Variants in CFAP99 observed in about 807,000 individuals in gnomAD.
The protein encoded by CFAP99 is cilia- and flagella-associated protein 99.
Under a neutral mutation model 82.7 loss-of-function variants are expected in CFAP99, and 84 were observed. That is an observed-to-expected ratio of 1.02 (90% CI 0.85 to 1.22). The LOEUF (loss-of-function observed/expected upper bound fraction) is 1.22, where lower values mean the gene tolerates loss of function less well. Among genes scored for constraint, CFAP99 ranks in the 50% most tolerant of loss-of-function variants. The pLI, the probability that CFAP99 is intolerant of heterozygous loss-of-function variation, is 0.00. For synonymous variants in CFAP99, 456 were observed against 429.5 expected, an observed-to-expected ratio of 1.06 and a Z score of -0.76; for missense variants, 1,059 against 983.5, an observed-to-expected ratio of 1.08 and a Z score of -1.03.
At chr4:2,443,567 C>A (rs1490117209) in intron 5 of CFAP99, among the ~76,000 whole-genome samples, 1 of 152,218 alleles carries the variant, frequency 6.6e-6, no homozygotes, top group East Asian at 1.9e-4. Context: ...CCCTTCTGTG[C>A]TGGAGCCTAC....
intron 1 of CFAP99, among the ~76,000 whole-genome samples, chr4:2,423,449 C>T (rs894567075): frequency 6.6e-6 from 1 of 152,204 alleles, no homozygotes; most frequent in African/African-American, 2.4e-5. Context: ...GCCTCCTGGG[C>T]CTTTCTGCTC....
At chr4:2,421,350 CTTTTTTTT>C (rs10632358) in intron 1 of CFAP99, among the ~76,000 whole-genome samples, 3 of 96,984 alleles carry the variant, frequency 3.1e-5, no homozygotes, top group South Asian at 4.3e-4. Context: ...TCTGCCCACC[CTTTTTTTT>C]TTTTTTTTTT....
intron 3 of CFAP99, 116 bp downstream of exon 3, chr4:2,437,134 C>T: frequency 5.5e-6 from 7 of 1,281,616 alleles, no homozygotes; most frequent in Non-Finnish European, 7.5e-6. Context: ...CCTTCCTGCC[C>T]TTGCACTGGA....
Position 2,437,146 on chromosome 4 carries a change from G to C in CFAP99, c.256+128G>C, listed in dbSNP as rs1578469806. On this transcript the variant is annotated intron_variant, in intron 3 of 14. Transcript: ENST00000635017. ...CCTCCTTCCTGCCCTTGCACTGGAG[G>C]CTTCCCGGCTCCTCACCTCACTTGG... 1.3e-5 allele frequency: 15 copies of C among 1,134,468 alleles called. No homozygotes were observed. The East Asian group carries it at 3.9e-4, about 29-fold the overall frequency. The allele number at this position is 1,134,468 out of a possible 1,614,324, so 70.3% of individuals were successfully genotyped here.
Position 2,445,647 on chromosome 4 carries a change from C to T in CFAP99, c.642+339C>T, listed in dbSNP as rs147421212. ...CTGGCGTAATGCAACACCCCCTCCC[C>T]GTTAAGTATGATGTGTAGATGACAG... On this transcript the variant is annotated intron_variant, in intron 6 of 14. Transcript: ENST00000635017. Among the ~76,000 whole-genome samples, 315 of 152,304 alleles carry T rather than the reference C, an allele frequency of 2.1e-3. 4 individuals carry two copies. The highest frequency in any genetic ancestry group is 4.2e-3 in the Admixed American group (65 of 15,302).
intron 3 of CFAP99, among the ~76,000 whole-genome samples, chr4:2,437,364 G>A (rs1358797057): frequency 6.6e-6 from 1 of 152,166 alleles, no homozygotes; most frequent in Non-Finnish European, 1.5e-5. Context: ...TGTGGCTGCC[G>A]TCTGGACAGT....
chr4:2,445,303 A>G, exon 6 of CFAP99: 1 of 1,345,556 alleles, frequency 7.4e-7, no homozygotes, highest in Non-Finnish European at 9.5e-7. Flanking sequence ...GGCCAAGCCG[A>G]GACCCGTGAG....
At chr4:2,453,803 G>T (rs1734361178) in intron 11 of CFAP99, among the ~76,000 whole-genome samples, 3 of 142,286 alleles carry the variant, frequency 2.1e-5, no homozygotes, top group African/African-American at 2.6e-5. Context: ...ATATATTTGT[G>T]ATATATAACA....
At chr4:2,438,315 G>A (rs35528733) in intron 4 of CFAP99, among the ~76,000 whole-genome samples, 151 bp downstream of exon 4, 2 of 151,994 alleles carry the variant, frequency 1.3e-5, no homozygotes, top group Admixed American at 1.3e-4. Context: ...CAGGCTGGAG[G>A]GCAGTGGCGC....
At chr4:2,433,213 C>T (rs967754581) in intron 2 of CFAP99, among the ~76,000 whole-genome samples, 3 of 152,172 alleles carry the variant, frequency 2.0e-5, no homozygotes, top group Admixed American at 6.5e-5. Context: ...CTCAAGGCTC[C>T]GACCTTATGA....
At chr4:2,442,765 G>GGA (rs1028051114) in intron 4 of CFAP99, among the ~76,000 whole-genome samples, 2 of 152,202 alleles carry the variant, frequency 1.3e-5, no homozygotes, top group African/African-American at 4.8e-5. Flanking sequence ...GACCCCGGGG[G>GGA]CTGCTCCTCC....
chr4:2,458,282 T>G (rs1053912381), intron 11 of CFAP99, among the ~76,000 whole-genome samples: 3 of 152,328 alleles, frequency 2.0e-5, no homozygotes, highest in Non-Finnish European at 4.4e-5. Context: ...AAGAAACTTT[T>G]AAAGTAATTT....
In CFAP99 at chr4:2,446,835, GGAT is replaced by G. The variant is rs35841468; in HGVS notation, c.642+1531_642+1533del. On this transcript the variant is annotated intron_variant, in intron 6 of 14. Transcript: ENST00000635017. This position sits in a 1 kb window ranked among gnomAD's most constrained non-coding sequence, Gnocchi z 5.0. ...TGGATGAATGGATGGATGGATGGATGGATGATTGGATTGGTGAATGGATAGATG... is the reference window on the plus strand; with the variant it reads ...TGGATGAATGGATGGATGGATGGATGGATTGGATTGGTGAATGGATAGATG... Among the ~76,000 whole-genome samples the G allele has an allele frequency of 6.6e-6, 1 of 151,706 alleles. No individual in the cohort carries two copies. The highest frequency in any genetic ancestry group is 1.5e-5 in the Non-Finnish European group (1 of 67,866).
At chr4:2,424,144 C>A (rs541850809) in intron 1 of CFAP99, among the ~76,000 whole-genome samples, 1 of 152,224 alleles carries the variant, frequency 6.6e-6, no homozygotes, top group Admixed American at 6.5e-5. Flanking sequence ...GACAGCCTGG[C>A]GTGGTGGCTC....
chr4:2,451,751 G>A (rs1578479619), intron 10 of CFAP99, among the ~76,000 whole-genome samples: 2 of 151,900 alleles, frequency 1.3e-5, no homozygotes, highest in South Asian at 4.1e-4. Flanking sequence ...GGGGGAGCAT[G>A]GGTGTCTGAC....
chr4:2,440,981 C>T (rs886859859), intron 4 of CFAP99, among the ~76,000 whole-genome samples: 6 of 151,750 alleles, frequency 4.0e-5, no homozygotes, highest in African/African-American at 1.5e-4. Context: ...TCACTTGAGC[C>T]CAGGAGTTTG....
At chr4:2,443,199 G>C in exon 5 of CFAP99, 8 of 1,535,790 alleles carry the variant, frequency 5.2e-6, no homozygotes, top group Non-Finnish European at 7.0e-6. Context: ...CCTCATCTAC[G>C]AGCCAGCCCA....
exon 13 of CFAP99, chr4:2,459,119 T>A: frequency 6.6e-7 from 1 of 1,520,518 alleles, no homozygotes; most frequent in Non-Finnish European, 8.8e-7. Context: ...CAGGAGGCGA[T>A]CGAGGAGAGC....
intron 6 of CFAP99, among the ~76,000 whole-genome samples, chr4:2,447,894 T>G: frequency 6.9e-6 from 1 of 145,220 alleles, no homozygotes; most frequent in African/African-American, 2.6e-5. Flanking sequence ...ATGACATGGG[T>G]GAGTAGATGA....
Sources: gnomAD v4.1 joint callset for allele counts (sites outside exome capture counted in the v4.1 genomes callset) on GRCh38, gnomAD v4.1.1 for gene constraint, Gnocchi (gnomAD v3.1) non-coding constraint, MANE v1.5 for transcripts, NCBI Gene and HGNC (gene_info 2026-07-23, HGNC 2026-07-21) for gene names.